The following PTPRD variants were observed in gnomAD, a reference collection of about 807,000 sequenced individuals.
PTPRD encodes protein tyrosine phosphatase receptor type D.
Under a neutral mutation model 214.5 loss-of-function variants are expected in PTPRD, and 34 were observed. The ratio of observed to expected loss-of-function variants is 0.16; its 90% CI spans 0.12 to 0.21. The LOEUF (loss-of-function observed/expected upper bound fraction) is 0.21, where lower values mean the gene tolerates loss of function less well. Among genes scored for constraint, PTPRD ranks in the 10% least tolerant of loss-of-function variants. The pLI is 1.00. For missense variants in PTPRD, 2,545 were observed against 2,398.7 expected (o/e 1.06, Z -1.27); for synonymous variants, 1,128 against 845.7 (o/e 1.33, Z -5.79).
intron 4 of PTPRD, among the ~76,000 whole-genome samples, chr9:10,009,624 T>C (rs1408580839): frequency 1.3e-5 from 2 of 151,938 alleles, no homozygotes; most frequent in African/African-American, 4.8e-5. Flanking sequence ...AAATATTTCC[T>C]GTTGAGATCT....
chr9:8,960,379 G>A (rs2099152622), intron 11 of PTPRD, among the ~76,000 whole-genome samples: 1 of 152,034 alleles, frequency 6.6e-6, no homozygotes, highest in Non-Finnish European at 1.5e-5. Context: ...AGGAACCTCT[G>A]GTATATTCAG....
At chr9:10,181,373 C>T (rs1161392333) in intron 3 of PTPRD, among the ~76,000 whole-genome samples, 3 of 152,080 alleles carry the variant, frequency 2.0e-5, no homozygotes, top group Non-Finnish European at 2.9e-5. Flanking sequence ...AAAACTACTC[C>T]CCAAATTTAG....
intron 12 of PTPRD, among the ~76,000 whole-genome samples, chr9:8,687,736 TAA>T (rs912215791): frequency 1.3e-5 from 2 of 151,340 alleles, no homozygotes; most frequent in Admixed American, 1.3e-4. Flanking sequence ...TTAGGTAAAA[TAA>T]GAGTTTTTTT....
At position 9,578,675 on chromosome 9, in the gene PTPRD, C is replaced by G. The variant is rs574206974; in HGVS notation, c.-286-3894G>C. 2.0e-5 allele frequency among the ~76,000 whole-genome samples: 3 copies of G among 152,142 alleles called. No homozygotes were observed. In the East Asian group the frequency reaches 5.8e-4, roughly 29 times the overall value. On this transcript the variant is annotated intron_variant, in intron 7 of 45. Transcript: ENST00000381196. ...CTGTAATAGGATTTCTACATTGTAT[C>G]TCATGTATCCTCAGTTGATGCTCAG...
intron 8 of PTPRD, among the ~76,000 whole-genome samples, chr9:9,405,208 G>C (rs2072791407): frequency 6.6e-6 from 1 of 151,854 alleles, no homozygotes; most frequent in Non-Finnish European, 1.5e-5. Context: ...ATGCATTTTG[G>C]GAAAAGCAGA....
At chr9:8,334,933 G>T (rs13285082) in intron 43 of PTPRD, among the ~76,000 whole-genome samples, 8,352 of 138,646 alleles carry the variant, frequency 0.06, 722 homozygotes, top group African/African-American at 0.19. Context: ...AATTCCTGGA[G>T]ACGTACACCC....
chr9:9,434,224 T>C (rs1003934882), intron 8 of PTPRD, among the ~76,000 whole-genome samples: 2 of 152,202 alleles, frequency 1.3e-5, no homozygotes, highest in Non-Finnish European at 2.9e-5. Context: ...TAGATCTCTC[T>C]GAGCTTCTTC....
At chr9:10,316,198 C>G (rs932505333) in intron 3 of PTPRD, among the ~76,000 whole-genome samples, 1 of 123,344 alleles carries the variant, frequency 8.1e-6, no homozygotes, top group Non-Finnish European at 1.9e-5. Flanking sequence ...TATATATAGA[C>G]ACACACACAT....
intron 10 of PTPRD, among the ~76,000 whole-genome samples, chr9:9,028,893 A>G (rs1234419493): frequency 1.3e-5 from 2 of 151,600 alleles, no homozygotes; most frequent in Admixed American, 6.6e-5. Context: ...TCGAAGGAGA[A>G]CAGATAAAAA....
intron 2 of PTPRD, among the ~76,000 whole-genome samples, chr9:10,531,669 T>C (rs1590189020): frequency 6.6e-6 from 1 of 152,190 alleles, no homozygotes; most frequent in Non-Finnish European, 1.5e-5. Flanking sequence ...GGCTTTAAGG[T>C]GTATGCATGT....
chr9:10,583,568 C>CAGCCTCCTGAGTAGCTGGGATACAGCA (rs1425025093), intron 2 of PTPRD, among the ~76,000 whole-genome samples: 3 of 151,974 alleles, frequency 2.0e-5, no homozygotes, highest in Admixed American at 6.6e-5. Context: ...TCTCCTGCCT[C>CAGCCTCCTGAGTAGCTGGGATACAGCA]AGCCTCCTGA....
intron 3 of PTPRD, among the ~76,000 whole-genome samples, chr9:10,138,262 CT>C (rs1592121493): frequency 6.6e-6 from 1 of 151,974 alleles, no homozygotes; most frequent in African/African-American, 2.4e-5. Flanking sequence ...ATGAACACCC[CT>C]ATCCATACAA....
intron 4 of PTPRD, among the ~76,000 whole-genome samples, chr9:9,977,886 A>G (rs1377985486): frequency 6.6e-6 from 1 of 152,016 alleles, no homozygotes; most frequent in Admixed American, 6.6e-5. Flanking sequence ...ATTTCTTCTG[A>G]CATAATATGG....
At chr9:8,585,615 T>C (rs1374733139) in intron 14 of PTPRD, among the ~76,000 whole-genome samples, 1 of 152,198 alleles carries the variant, frequency 6.6e-6, no homozygotes, top group Non-Finnish European at 1.5e-5. Context: ...GTCCTAACTC[T>C]ATATGTAGGT....
At chr9:10,268,318 AACG>A (rs1361856535) in intron 3 of PTPRD, among the ~76,000 whole-genome samples, 33 of 134,308 alleles carry the variant, frequency 2.5e-4, no homozygotes, top group African/African-American at 7.3e-4. Flanking sequence ...TAATAATAAT[AACG>A]ATAATAATAA....
chr9:9,039,360 T>A (rs1225152471), intron 10 of PTPRD, among the ~76,000 whole-genome samples: 1 of 152,168 alleles, frequency 6.6e-6, no homozygotes, highest in Non-Finnish European at 1.5e-5. Context: ...ATGAAATCCA[T>A]CTGCAGATCT....
chr9:10,383,557 T>C (rs1054393165), intron 2 of PTPRD, among the ~76,000 whole-genome samples: 13 of 151,974 alleles, frequency 8.6e-5, no homozygotes, highest in African/African-American at 2.4e-4. Context: ...CAGCTGTTCT[T>C]ATTTTAACTC....
At chr9:9,388,501 T>C (rs1001855536) in intron 9 of PTPRD, among the ~76,000 whole-genome samples, 1 of 152,170 alleles carries the variant, frequency 6.6e-6, no homozygotes, top group Non-Finnish European at 1.5e-5. Context: ...GAACTAGGAC[T>C]GTCCAAGTAA....
intron 3 of PTPRD, among the ~76,000 whole-genome samples, chr9:10,187,752 T>C (rs562845205): frequency 4.6e-5 from 7 of 152,342 alleles, no homozygotes; most frequent in African/African-American, 1.7e-4. Flanking sequence ...TTCTGCCACA[T>C]CTGTAGAAAT....
Sources: gnomAD v4.1 joint callset for allele counts (sites outside exome capture counted in the v4.1 genomes callset) on GRCh38, gnomAD v4.1.1 for gene constraint, MANE v1.5 for transcripts, NCBI Gene and HGNC (gene_info 2026-07-23, HGNC 2026-07-21) for gene names.